TENM2: variants seen among roughly 807,000 people sequenced by gnomAD.
TENM2 encodes teneurin-2.
TENM2 carries 52 observed loss-of-function variants against 245.2 expected under a neutral mutation model. That is an observed-to-expected ratio of 0.21 (90% CI 0.17 to 0.27). The LOEUF (loss-of-function observed/expected upper bound fraction) is 0.27. TENM2 is among the 10% of genes least tolerant of loss of function. TENM2 has a pLI of 1.00. For synonymous variants in TENM2, 1,363 were observed against 1,438.9 expected (o/e 0.95, Z 1.19); for missense variants, 3,046 against 3,666.8 (o/e 0.83, Z 4.37).
the TENM2 span, among the ~76,000 whole-genome samples, chr5:167,264,214 G>A: frequency 3.3e-5 from 5 of 151,848 alleles, no homozygotes; most frequent in African/African-American, 1.2e-4. Context: ...ATTAAGACAC[G>A]GTTTTTCTAT....
chr5:167,227,958 T>TC, the TENM2 span, among the ~76,000 whole-genome samples: 2 of 152,298 alleles, frequency 1.3e-5, no homozygotes, highest in East Asian at 3.9e-4. Context: ...TTATTTTTTT[T>TC]CTTTATTTCT....
the TENM2 span, among the ~76,000 whole-genome samples, chr5:167,276,327 G>A: frequency 6.7e-6 from 1 of 149,270 alleles, no homozygotes; most frequent in East Asian, 2.0e-4. Flanking sequence ...GAATTCACCA[G>A]TGAAACCAGC....
intron 12 of TENM2, among the ~76,000 whole-genome samples, chr5:168,161,817 TACACACAC>T (rs113801768): frequency 1.4e-3 from 203 of 147,358 alleles, no homozygotes; most frequent in African/African-American, 3.6e-3. Flanking sequence ...AGCGCATGTA[TACACACAC>T]ACACACACAC....
At chr5:167,845,233 C>T (rs1769929397) in intron 2 of TENM2, among the ~76,000 whole-genome samples, 1 of 116,360 alleles carries the variant, frequency 8.6e-6, no homozygotes, top group Non-Finnish European at 1.8e-5. Flanking sequence ...GTCCCCCCCT[C>T]CCGCGCCACA....
At chr5:167,306,817 C>T (rs1253493194) in intron 1 of TENM2, among the ~76,000 whole-genome samples, 1 of 152,160 alleles carries the variant, frequency 6.6e-6, no homozygotes, top group Non-Finnish European at 1.5e-5. Context: ...AGACTTGTAG[C>T]AATAATGTTA....
At chr5:168,214,724 G>A (rs756022981) in intron 20 of TENM2, 1 of 472,734 alleles carries the variant, frequency 2.1e-6, no homozygotes, top group South Asian at 1.6e-5. Flanking sequence ...GACTGTAGAT[G>A]GTCTTGAATA....
the TENM2 span, among the ~76,000 whole-genome samples, chr5:167,186,445 T>G: frequency 1.3e-5 from 2 of 152,174 alleles, no homozygotes; most frequent in African/African-American, 2.4e-5. Flanking sequence ...TCTCCTCCGG[T>G]CTTCCCTTTG....
the TENM2 span, among the ~76,000 whole-genome samples, chr5:167,096,217 T>C: frequency 5.9e-5 from 9 of 152,368 alleles, no homozygotes; most frequent in East Asian, 1.5e-3. Context: ...AAAATCAAGC[T>C]GATACTACAT....
In TENM2 at chr5:167,443,810, G is replaced by A. The variant is rs540693162; in HGVS notation, c.502+68337G>A. Reference sequence around the variant, plus strand: ...ATGTCACCTTTAACTTGAAAACAGGGGACTTATTTTACACAGTAACTCTTT... The same window carrying A: ...ATGTCACCTTTAACTTGAAAACAGGAGACTTATTTTACACAGTAACTCTTT... On this transcript the variant is annotated intron_variant, in intron 2 of 28. Coordinates refer to ENST00000518659, the Ensembl canonical transcript of TENM2. 1.6e-4 allele frequency among the ~76,000 whole-genome samples: 25 copies of A among 151,774 alleles called. No individual in the cohort carries two copies. The South Asian group carries it at 3.7e-3, about 23-fold the overall frequency.
rs1763388642 is a variant in TENM2 at position 168,218,428 on chromosome 5, T to C, written c.4537T>C (p.Leu1513=). 6.2e-7 allele frequency: 1 copy of C among 1,613,916 alleles called. No individual in the cohort carries two copies. The highest frequency in any genetic ancestry group is 2.2e-5 in the East Asian group (1 of 44,896). Residue 1513 remains leucine (L), a synonymous_variant, in exon 23 of 29, where the codon TTA becomes CTA. Transcript: ENST00000518659. This position sits in a 1 kb window ranked among gnomAD's most constrained non-coding sequence, Gnocchi z 5.2. Reference sequence around the variant, plus strand: ...AACAACCAACGGGGAGATCTGCCTTTTAGCTGGGGCAGCCTCGGACTGCGA... The same window carrying C: ...AACAACCAACGGGGAGATCTGCCTTCTAGCTGGGGCAGCCTCGGACTGCGA...
chr5:167,930,500 G>C (rs1778195329), intron 3 of TENM2, among the ~76,000 whole-genome samples: 1 of 150,336 alleles, frequency 6.7e-6, no homozygotes, highest in Admixed American at 6.7e-5. Context: ...TTAGAGACAG[G>C]GTCTCACCCT....
chr5:167,679,290 AT>A (rs1197423815), intron 2 of TENM2, among the ~76,000 whole-genome samples: 1 of 152,132 alleles, frequency 6.6e-6, no homozygotes, highest in African/African-American at 2.4e-5. Flanking sequence ...TAAGATTCTT[AT>A]TTTTCCATAT....
At chr5:167,362,921 G>GGT (rs574530741) in intron 1 of TENM2, among the ~76,000 whole-genome samples, 5 of 151,606 alleles carry the variant, frequency 3.3e-5, no homozygotes, top group African/African-American at 7.3e-5. Context: ...TCGACTTATT[G>GGT]GTGTGTGTGT....
chr5:167,325,155 A>T (rs946387220), intron 1 of TENM2, among the ~76,000 whole-genome samples: 31 of 152,358 alleles, frequency 2.0e-4, no homozygotes, highest in African/African-American at 7.0e-4. Flanking sequence ...CAATAAAATG[A>T]AATAATGCAA....
intron 2 of TENM2, among the ~76,000 whole-genome samples, chr5:167,596,773 G>A (rs1259503485): frequency 6.7e-6 from 1 of 149,096 alleles, no homozygotes; most frequent in African/African-American, 2.5e-5. Context: ...TCCAACCTGG[G>A]CGACAGAGCT....
intron 3 of TENM2, among the ~76,000 whole-genome samples, chr5:167,928,541 A>G (rs1777937110): frequency 6.6e-6 from 1 of 152,144 alleles, no homozygotes; most frequent in Non-Finnish European, 1.5e-5. Context: ...TTATTACTGA[A>G]GGAGGGCGAT....
chr5:168,081,907 T>C (rs1792040502), intron 7 of TENM2, among the ~76,000 whole-genome samples: 1 of 152,216 alleles, frequency 6.6e-6, no homozygotes, highest in African/African-American at 2.4e-5. Flanking sequence ...CAATTATGTG[T>C]CTTGGAGTTG....
intron 2 of TENM2, among the ~76,000 whole-genome samples, chr5:167,654,448 A>G (rs1483810459): frequency 6.8e-6 from 1 of 147,962 alleles, no homozygotes; most frequent in Admixed American, 6.6e-5. Context: ...CACTTGCTTT[A>G]TCTATTTCTG....
At chr5:167,054,328 G>T in the TENM2 span, among the ~76,000 whole-genome samples, 2 of 152,128 alleles carry the variant, frequency 1.3e-5, no homozygotes, top group African/African-American at 4.8e-5. Flanking sequence ...TTAGTAACAT[G>T]CATTTAAGTT....
Sources: allele counts gnomAD v4.1 joint callset (sites outside exome capture counted in the v4.1 genomes callset), GRCh38; gene constraint gnomAD v4.1.1; non-coding constraint Gnocchi (gnomAD v3.1); transcripts MANE v1.5; gene names NCBI Gene and HGNC (gene_info 2026-07-23, HGNC 2026-07-21).